The following NBDY variants were observed in gnomAD, a reference collection of about 807,000 sequenced individuals.
NBDY encodes the protein negative regulator of P-body association.
At chrX:56,741,985 A>G (rs2069534163) in intron 2 of NBDY, among the ~76,000 whole-genome samples, 1 of 111,585 alleles carries the variant, frequency 9.0e-6, no homozygotes, top group South Asian at 3.7e-4. Flanking sequence ...TAAGTCTTTA[A>G]TACATTTTGA....
intron 2 of NBDY, among the ~76,000 whole-genome samples, chrX:56,736,330 T>C (rs1325622963): frequency 8.9e-6 from 1 of 112,120 alleles, no homozygotes. Context: ...AGTGGCGCAA[T>C]CTAGGCCCAC....
rs1429279155 is a variant in NBDY at position 56,805,814 on chromosome X, T to TC, written c.*167-11505dup. The stretch of plus-strand genomic sequence containing the variant: ...ATTCTTTGTGTACTTTTGGAGTTTT[T>TC]CTCCCTTCACTTTTTTTTTATTATA... On this transcript the variant is annotated intron_variant, in intron 2 of 2. Coordinates refer to ENST00000374922, the MANE Select transcript of NBDY (RefSeq NM_001348129.2). 4.4e-4 allele frequency among the ~76,000 whole-genome samples: 49 copies of TC among 112,073 alleles called. 1 individual carries two copies. The Admixed American group carries it at 4.6e-3, about 11-fold the overall frequency.
chrX:56,758,297 C>T (rs56935659), intron 2 of NBDY, among the ~76,000 whole-genome samples: 10,017 of 94,264 alleles, frequency 0.11, 1,093 homozygotes, highest in African/African-American at 0.33. Context: ...GCCTGTGTGA[C>T]AGAGTGAGAC....
At chrX:56,735,406 G>A (rs909005108) in intron 2 of NBDY, among the ~76,000 whole-genome samples, 15 of 112,548 alleles carry the variant, frequency 1.3e-4, no homozygotes, top group Non-Finnish European at 1.3e-4. Flanking sequence ...GTTGCCCTAT[G>A]TAATATCACA....
intron 2 of NBDY, among the ~76,000 whole-genome samples, chrX:56,793,960 G>A (rs1052439929): frequency 1.8e-5 from 2 of 112,040 alleles, no homozygotes; most frequent in African/African-American, 3.3e-5. Flanking sequence ...AGGGCACCTC[G>A]GAGCTGCCCA....
At chrX:56,735,577 C>A (rs1007602057) in intron 2 of NBDY, among the ~76,000 whole-genome samples, 7 of 111,705 alleles carry the variant, frequency 6.3e-5, no homozygotes, top group African/African-American at 2.3e-4. Context: ...CAGCCTCCCT[C>A]CACCCACCCG....
intron 2 of NBDY, chrX:56,737,533 A>G: frequency 1.0e-6 from 1 of 955,793 alleles, no homozygotes; most frequent in East Asian, 3.1e-5. Context: ...TTCGAATACC[A>G]TCCAGCCACT....
chrX:56,807,452 G>A (rs1266315260), intron 2 of NBDY, among the ~76,000 whole-genome samples: 1 of 111,776 alleles, frequency 8.9e-6, no homozygotes, highest in African/African-American at 3.3e-5. Context: ...CATGAGCATG[G>A]AATGTCCTTC....
At chrX:56,793,811 A>G (rs1447051859) in intron 2 of NBDY, among the ~76,000 whole-genome samples, 1 of 110,929 alleles carries the variant, frequency 9.0e-6, no homozygotes, top group Non-Finnish European at 1.9e-5. Context: ...GTGAGCAAGC[A>G]GAGCTTCATA....
At chrX:56,781,280 G>T (rs1353450523) in intron 2 of NBDY, among the ~76,000 whole-genome samples, 1 of 111,737 alleles carries the variant, frequency 8.9e-6, no homozygotes, top group Admixed American at 9.5e-5. Flanking sequence ...CAACCCTCAG[G>T]AGGTAGTTGT....
intron 2 of NBDY, among the ~76,000 whole-genome samples, chrX:56,785,945 G>A (rs949411034): frequency 1.3e-4 from 14 of 111,049 alleles, no homozygotes; most frequent in South Asian, 7.6e-4. Flanking sequence ...GACTGGTTGC[G>A]GGGACACCCT....
chrX:56,760,261 G>C (rs2069631692), intron 2 of NBDY, among the ~76,000 whole-genome samples: 1 of 113,349 alleles, frequency 8.8e-6, no homozygotes, highest in Admixed American at 9.2e-5. Context: ...TTTCCTTGCA[G>C]CCTGTAGTTC....
At chrX:56,757,450 C>T (rs2069617062) in intron 2 of NBDY, among the ~76,000 whole-genome samples, 1 of 112,125 alleles carries the variant, frequency 8.9e-6, no homozygotes, top group Admixed American at 9.4e-5. Flanking sequence ...TCCCTTCCTT[C>T]GCTTCGTGCA....
At chrX:56,739,783 T>C (rs1421687785) in intron 2 of NBDY, among the ~76,000 whole-genome samples, 1 of 111,253 alleles carries the variant, frequency 9.0e-6, no homozygotes, top group Non-Finnish European at 1.9e-5. Context: ...TAATTAATGA[T>C]TTTGCTGGGG....
rs2069855011 is a variant in NBDY at position 56,807,029 on chromosome X, A to C, written c.*167-10291A>C. ...AAGGGTTCCAGTTTCACCTTTCTGC[A>C]TATGGCTAGCCAGTTTTCCCAGCAC... On this transcript the variant is annotated intron_variant, in intron 2 of 2. Coordinates refer to ENST00000374922, the MANE Select transcript of NBDY (RefSeq NM_001348129.2). Among the ~76,000 whole-genome samples the C allele has an allele frequency of 2.7e-5, 3 of 112,116 alleles. No individual in the cohort carries two copies. The Admixed American group carries it at 2.8e-4, about 11-fold the overall frequency.
chrX:56,736,562 G>A lies in NBDY; in HGVS notation c.*166+4363G>A, dbSNP rs762002414. Among the ~76,000 whole-genome samples, 8 of 112,450 alleles carry A rather than the reference G, an allele frequency of 7.1e-5. No individual in the cohort carries two copies. In the East Asian group the frequency reaches 8.4e-4, roughly 12 times the overall value. ...ACCACAGGCGTGAGCCACCACGCCC[G>A]GCCAATGATTCTAATTTATATTTTT... On this transcript the variant is annotated intron_variant, in intron 2 of 2. Coordinates refer to ENST00000374922, the MANE Select transcript of NBDY (RefSeq NM_001348129.2).
intron 2 of NBDY, among the ~76,000 whole-genome samples, chrX:56,767,678 T>G (rs1024949104): frequency 1.9e-4 from 21 of 113,295 alleles, no homozygotes; most frequent in African/African-American, 3.2e-4. Context: ...TCTCTTCTCC[T>G]TAACTTTCTT....
intron 2 of NBDY, among the ~76,000 whole-genome samples, chrX:56,747,944 G>C (rs771560960): frequency 9.0e-6 from 1 of 111,220 alleles, no homozygotes; most frequent in Non-Finnish European, 1.9e-5. Context: ...GAATTGGCTT[G>C]TGGGGGCTGT....
intron 2 of NBDY, among the ~76,000 whole-genome samples, chrX:56,760,675 ACT>A (rs1357436817): frequency 9.0e-6 from 1 of 111,648 alleles, no homozygotes; most frequent in Admixed American, 9.5e-5. Context: ...TAAGAGTGAA[ACT>A]CTGTCTCAAA....
Sources: allele counts gnomAD v4.1 joint callset (sites outside exome capture counted in the v4.1 genomes callset), GRCh38; gene constraint gnomAD v4.1.1; transcripts MANE v1.5; gene names NCBI Gene and HGNC (gene_info 2026-07-23, HGNC 2026-07-21).